MAPK10: variants seen among roughly 807,000 people sequenced by gnomAD.
MAPK10 encodes mitogen-activated protein kinase 10, also known as JNK3 alpha protein kinase.
In MAPK10, 25 loss-of-function variants were observed where a neutral mutation model predicts 59.3. The observed-to-expected ratio is 0.42, with a 90% CI of 0.31 to 0.59. MAPK10 has a LOEUF of 0.59. Among genes scored for constraint, MAPK10 ranks in the 20% least tolerant of loss-of-function variants. MAPK10 has a pLI of 0.15. For missense variants in MAPK10, 351 were observed against 568.9 expected (o/e 0.62, Z 3.90); for synonymous variants, 190 against 200.5 (o/e 0.95, Z 0.44).
intron 1 of MAPK10, chr4:86,358,664 T>G (rs7682129): frequency 0.74 from 112,992 of 151,756 alleles, 42,611 homozygotes; most frequent in South Asian, 0.91. Flanking sequence ...TTTAAATGTT[T>G]GGGGAGGGTG....
intron 1 of MAPK10, among the ~76,000 whole-genome samples, chr4:86,565,436 C>T (rs1336834731): frequency 6.6e-6 from 1 of 152,104 alleles, no homozygotes; most frequent in Non-Finnish European, 1.5e-5. Flanking sequence ...TACTCTCAAA[C>T]ACACAATTTT....
chr4:86,080,207 AT>A (rs1456576083), intron 9 of MAPK10: 1 of 151,988 alleles, frequency 6.6e-6, no homozygotes, highest in Non-Finnish European at 1.5e-5. Flanking sequence ...AATTCCAGTA[AT>A]TGAATAAAGG....
chr4:86,343,745 A>G (rs1271832968), intron 2 of MAPK10, among the ~76,000 whole-genome samples: 4 of 152,210 alleles, frequency 2.6e-5, no homozygotes, highest in Non-Finnish European at 1.5e-5. Context: ...GATGTATAGT[A>G]TAACAAAAAA....
At chr4:86,177,083 GT>G (rs1343068865) in intron 3 of MAPK10, among the ~76,000 whole-genome samples, 1 of 151,944 alleles carries the variant, frequency 6.6e-6, no homozygotes, top group African/African-American at 2.4e-5. Flanking sequence ...AACTAAAATA[GT>G]TTTTTTAAAA....
At chr4:86,078,861 T>C (rs2050058426) in intron 9 of MAPK10, among the ~76,000 whole-genome samples, 1 of 151,908 alleles carries the variant, frequency 6.6e-6, no homozygotes, top group African/African-American at 2.4e-5. Context: ...TGGTGGCACA[T>C]GCCTGTAATC....
intron 1 of MAPK10, among the ~76,000 whole-genome samples, chr4:86,522,346 G>A (rs1328207189): frequency 6.6e-6 from 1 of 152,176 alleles, no homozygotes; most frequent in East Asian, 1.9e-4. Context: ...TCTAGTATAA[G>A]CTTGTTAAAT....
chr4:86,087,435 T>A (rs1316430605), intron 9 of MAPK10, among the ~76,000 whole-genome samples: 2 of 152,142 alleles, frequency 1.3e-5, no homozygotes, highest in Non-Finnish European at 1.5e-5. Flanking sequence ...ATAAAAGAAG[T>A]CCTGTTTTTT....
At chr4:86,461,010 C>T (rs1751687289) in intron 1 of MAPK10, among the ~76,000 whole-genome samples, 1 of 152,140 alleles carries the variant, frequency 6.6e-6, no homozygotes, top group Non-Finnish European at 1.5e-5. Flanking sequence ...GTTAGGGTCT[C>T]CATGACCGAG....
upstream of MAPK10, among the ~76,000 whole-genome samples, chr4:86,455,850 T>C (rs1222873723): frequency 5.3e-5 from 8 of 152,180 alleles, no homozygotes; most frequent in South Asian, 4.1e-4. Flanking sequence ...AAATGCAGAA[T>C]ATACATTCTA....
chr4:86,138,730 C>A (rs866683078), intron 4 of MAPK10, among the ~76,000 whole-genome samples: 20 of 151,730 alleles, frequency 1.3e-4, no homozygotes, highest in Non-Finnish European at 2.7e-4. Flanking sequence ...CAATTAGGAA[C>A]AGAGGAAGTC....
intron 1 of MAPK10, among the ~76,000 whole-genome samples, chr4:86,580,843 T>A (rs558661707): frequency 1.0e-3 from 154 of 152,190 alleles, no homozygotes; most frequent in Middle Eastern, 6.8e-3. Context: ...GAAAGAAAAA[T>A]GTAACACATG....
intron 3 of MAPK10, among the ~76,000 whole-genome samples, chr4:86,184,022 T>C (rs2077553090): frequency 6.6e-6 from 1 of 152,200 alleles, no homozygotes; most frequent in South Asian, 2.1e-4. Flanking sequence ...TTGAGTTCAT[T>C]GTAGATTCTG....
intron 1 of MAPK10, among the ~76,000 whole-genome samples, chr4:86,378,367 CTT>C (rs1034112480): frequency 6.6e-6 from 1 of 152,180 alleles, no homozygotes; most frequent in African/African-American, 2.4e-5. Context: ...ATTATTCACA[CTT>C]CAGTTCATTC....
intron 1 of MAPK10, among the ~76,000 whole-genome samples, chr4:86,489,958 G>T (rs980779039): frequency 1.8e-4 from 27 of 152,044 alleles, no homozygotes; most frequent in African/African-American, 6.3e-4. Flanking sequence ...CAGCATCATG[G>T]TCTAACCAAG....
At chr4:86,349,563 A>G (rs575045319) in intron 2 of MAPK10, among the ~76,000 whole-genome samples, 2 of 152,342 alleles carry the variant, frequency 1.3e-5, no homozygotes, top group African/African-American at 4.8e-5. Context: ...ATACTATGGT[A>G]ATACAGTGAG....
chr4:86,466,121 T>C (rs899300602), intron 1 of MAPK10, among the ~76,000 whole-genome samples: 6 of 152,236 alleles, frequency 3.9e-5, no homozygotes, highest in African/African-American at 1.4e-4. Flanking sequence ...GTATTTACCA[T>C]AATAAATCTA....
chr4:86,289,487 T>C (rs1306809778), intron 2 of MAPK10, among the ~76,000 whole-genome samples: 1 of 151,920 alleles, frequency 6.6e-6, no homozygotes, highest in Non-Finnish European at 1.5e-5. Flanking sequence ...TTTATGTTAA[T>C]ATGCATAAAT....
chr4:86,378,266 G>A (rs142284605), intron 1 of MAPK10, among the ~76,000 whole-genome samples: 1 of 152,198 alleles, frequency 6.6e-6, no homozygotes, highest in Non-Finnish European at 1.5e-5. Context: ...TGGCCTCTTT[G>A]TAGTTTCTCA....
At chr4:86,425,897 G>A (rs935935280) in intron 1 of MAPK10, among the ~76,000 whole-genome samples, 1 of 152,138 alleles carries the variant, frequency 6.6e-6, no homozygotes, top group Non-Finnish European at 1.5e-5. Flanking sequence ...TTCAAACCTG[G>A]GAGGCAGAGG....
Sources: gnomAD v4.1 joint callset for allele counts (sites outside exome capture counted in the v4.1 genomes callset) on GRCh38, gnomAD v4.1.1 for gene constraint, MANE v1.5 for transcripts, NCBI Gene and HGNC (gene_info 2026-07-23, HGNC 2026-07-21) for gene names.